XIRP2: variants seen among roughly 807,000 people sequenced by gnomAD.
XIRP2 encodes xin actin-binding repeat-containing protein 2.
A neutral mutation model predicts 277.0 loss-of-function variants in XIRP2; 236 were observed. That is an observed-to-expected ratio of 0.85 (90% confidence interval 0.77 to 0.95). The LOEUF (loss-of-function observed/expected upper bound fraction) is 0.95, where lower values mean the gene tolerates loss of function less well. Among genes scored for constraint, XIRP2 ranks in the 40% least tolerant of loss-of-function variants. XIRP2 has a pLI of 0.00. For synonymous variants in XIRP2, 1,490 were observed against 1,416.5 expected (o/e 1.05, Z -1.17); for missense variants, 4,640 against 4,157.5 (o/e 1.12, Z -3.19).
chr2:167,148,586 T>TC lies in XIRP2; in HGVS notation c.562+12525dup, dbSNP rs1358870694. On this transcript the variant is annotated intron_variant, in intron 3 of 10. Transcript: ENST00000409195. ...TGCAAAGTTATATAGCTGAAATAAT[T>TC]CTAAGTATTTTGGTAGTCTTCATAA... Among the ~76,000 whole-genome samples, 4 of 151,904 alleles carry TC rather than the reference T, an allele frequency of 2.6e-5. No individual in the cohort carries two copies. In the South Asian group the frequency reaches 8.3e-4, roughly 32 times the overall value.
intron 4 of XIRP2, among the ~76,000 whole-genome samples, chr2:167,213,209 A>T (rs906375168): frequency 3.3e-5 from 5 of 152,302 alleles, no homozygotes; most frequent in Middle Eastern, 3.4e-3. Context: ...TGAGCAATGA[A>T]TTAAAATGCC....
Position 167,244,126 on chromosome 2 carries a change from C to G in XIRP2, c.2734C>G (p.Gln912Glu). 1 of 1,613,720 alleles carries G rather than the reference C, an allele frequency of 6.2e-7. No individual in the cohort carries two copies. The highest frequency in any genetic ancestry group is 8.5e-7 in the Non-Finnish European group (1 of 1,179,876). The change falls in exon 9 of 11, where the codon CAA (glutamine) becomes GAA (glutamate). Residue 912 changes from glutamine (Q) to glutamate (E), a missense_variant. Gln to Glu is a conservative substitution (Grantham distance 29). Transcript: ENST00000409195. ...AGAAGAAAAAGGGGATGTTAGGCAT[C>G]AAAAATGGATTTTTGAAACCCAACC... is the stretch of plus-strand genomic sequence containing the variant. ...SEEEKGDVRH[Q>E]KWIFETQPLE...
rs531395743 is a variant in XIRP2, at chr2:166,914,489, C to T, written c.408+10599C>T. On this transcript the variant is annotated intron_variant, in intron 2 of 10. Transcript: ENST00000409195. Reference sequence around the variant, plus strand: ...CCGAGTAGCTGGGACTACAGGTGCCCGCCACCTTGCCCGGCTAATTTTTTG... The same window carrying T: ...CCGAGTAGCTGGGACTACAGGTGCCTGCCACCTTGCCCGGCTAATTTTTTG... Among the ~76,000 whole-genome samples the T allele has an allele frequency of 9.2e-5, 14 of 151,992 alleles. No individual in the cohort carries two copies. The South Asian group carries it at 1.2e-3, about 14-fold the overall frequency.
At chr2:167,137,707 C>T (rs946734007) in intron 3 of XIRP2, among the ~76,000 whole-genome samples, 2 of 152,178 alleles carry the variant, frequency 1.3e-5, no homozygotes, top group African/African-American at 2.4e-5. Flanking sequence ...CTCAAATACA[C>T]ATTTCCAGGT....
chr2:167,130,869 A>G (rs1691353731), intron 2 of XIRP2, among the ~76,000 whole-genome samples: 3 of 151,946 alleles, frequency 2.0e-5, no homozygotes, highest in Admixed American at 2.0e-4. Flanking sequence ...AACTAGAACT[A>G]TGGAGAGTTT....
intron 2 of XIRP2, among the ~76,000 whole-genome samples, chr2:166,935,401 C>T (rs1235382431): frequency 1.3e-5 from 2 of 152,036 alleles, no homozygotes; most frequent in Non-Finnish European, 2.9e-5. Context: ...AAAAAGTAGT[C>T]TTACATTTGT....
chr2:166,942,430 A>C (rs543947760), intron 2 of XIRP2, among the ~76,000 whole-genome samples: 1 of 152,278 alleles, frequency 6.6e-6, no homozygotes, highest in Non-Finnish European at 1.5e-5. Flanking sequence ...GCCTAATGTT[A>C]TTTGTTCCAT....
intron 2 of XIRP2, among the ~76,000 whole-genome samples, chr2:167,116,169 T>A (rs948270086): frequency 6.6e-6 from 1 of 152,196 alleles, no homozygotes; most frequent in Non-Finnish European, 1.5e-5. Context: ...ATGGTACTGA[T>A]GATTTTTTCT....
chr2:167,076,843 G>A (rs923570053), intron 2 of XIRP2, among the ~76,000 whole-genome samples: 1 of 151,938 alleles, frequency 6.6e-6, no homozygotes, highest in African/African-American at 2.4e-5. Flanking sequence ...GGTTTTGGGG[G>A]GATTTTGAGA....
intron 2 of XIRP2, among the ~76,000 whole-genome samples, chr2:167,000,182 T>C (rs1029136043): frequency 6.6e-6 from 1 of 152,158 alleles, no homozygotes; most frequent in African/African-American, 2.4e-5. Context: ...ATATCACTGA[T>C]GAAATTGAAA....
At position 167,038,112 on chromosome 2, in the gene XIRP2, T is replaced by G. The variant is rs539793681; in HGVS notation, c.409-97797T>G. 2.8e-4 allele frequency among the ~76,000 whole-genome samples: 43 copies of G among 152,122 alleles called. No homozygotes were observed. The South Asian group carries it at 8.3e-3, about 29-fold the overall frequency. On this transcript the variant is annotated intron_variant, in intron 2 of 10. Coordinates refer to ENST00000409195, the MANE Select transcript of XIRP2 (RefSeq NM_152381.6). Reference sequence around the variant, plus strand: ...CTTTATTGAATAAATCTAAAATAATTGGTGTCAGCTACATAATCTTTGAAT... The same window carrying G: ...CTTTATTGAATAAATCTAAAATAATGGGTGTCAGCTACATAATCTTTGAAT...
chr2:166,943,115 G>T (rs1407092585), intron 2 of XIRP2, among the ~76,000 whole-genome samples: 1 of 151,938 alleles, frequency 6.6e-6, no homozygotes, highest in East Asian at 1.9e-4. Context: ...TGTTTCTTTT[G>T]TTATTCACAA....
chr2:166,955,152 GAAAC>G (rs1250586986), intron 2 of XIRP2, among the ~76,000 whole-genome samples: 1 of 151,704 alleles, frequency 6.6e-6, no homozygotes, highest in Non-Finnish European at 1.5e-5. Context: ...ACAAAAATGG[GAAAC>G]AAATTAAATG....
intron 2 of XIRP2, among the ~76,000 whole-genome samples, chr2:167,106,311 C>T (rs1690616486): frequency 1.3e-5 from 2 of 151,672 alleles, no homozygotes; most frequent in Non-Finnish European, 3.0e-5. Context: ...TTACATGTTA[C>T]ATTTAAGTCT....
chr2:166,952,978 A>C (rs1686073253), intron 2 of XIRP2, among the ~76,000 whole-genome samples: 1 of 152,068 alleles, frequency 6.6e-6, no homozygotes. Flanking sequence ...GGCATTTCAT[A>C]TACAAAATTA....
At chr2:167,067,435 C>G (rs1221390176) in intron 2 of XIRP2, among the ~76,000 whole-genome samples, 1 of 151,974 alleles carries the variant, frequency 6.6e-6, no homozygotes, top group Non-Finnish European at 1.5e-5. Context: ...CTGCCACCTA[C>G]AAAATTAAGA....
At chr2:166,947,446 G>A (rs1685907070) in intron 2 of XIRP2, among the ~76,000 whole-genome samples, 1 of 152,026 alleles carries the variant, frequency 6.6e-6, no homozygotes, top group Admixed American at 6.6e-5. Context: ...CTACTTCCTT[G>A]GTATTCTTCA....
intron 2 of XIRP2, among the ~76,000 whole-genome samples, chr2:166,958,137 T>G (rs1413645764): frequency 2.0e-5 from 3 of 151,890 alleles, no homozygotes; most frequent in Non-Finnish European, 4.4e-5. Context: ...GATGCTGAAT[T>G]TTAGCTTGCT....
chr2:167,136,953 G>T (rs369385339), intron 3 of XIRP2, among the ~76,000 whole-genome samples: 1 of 152,190 alleles, frequency 6.6e-6, no homozygotes, highest in Non-Finnish European at 1.5e-5. Context: ...TGCTGTTTGC[G>T]AATCAGCACG....
Sources: allele counts gnomAD v4.1 joint callset (sites outside exome capture counted in the v4.1 genomes callset), GRCh38; gene constraint gnomAD v4.1.1; transcripts MANE v1.5; gene names NCBI Gene and HGNC (gene_info 2026-07-23, HGNC 2026-07-21).